The following MYO18B variants were observed in gnomAD, a reference collection of about 807,000 sequenced individuals.
MYO18B encodes myosin XVIIIB, also known as unconventional myosin-XVIIIb.
A neutral mutation model predicts 273.0 loss-of-function variants in MYO18B; 204 were observed. The ratio of observed to expected loss-of-function variants is 0.75; its 90% CI spans 0.67 to 0.84. MYO18B has a LOEUF of 0.84. Among genes scored for constraint, MYO18B ranks in the 40% least tolerant of loss-of-function variants. The probability of loss-of-function intolerance (pLI) is 0.00; values close to 1 mark genes in which losing one functional copy is unlikely to be tolerated. For synonymous variants in MYO18B, 1,330 were observed against 1,305.7 expected, an observed-to-expected ratio of 1.02 and a Z score of -0.40; for missense variants, 3,212 against 3,287.6, an observed-to-expected ratio of 0.98 and a Z score of 0.56.
chr22:25,986,369 C>A (rs917310780), intron 39 of MYO18B, among the ~76,000 whole-genome samples: 10 of 152,144 alleles, frequency 6.6e-5, no homozygotes, highest in African/African-American at 2.4e-4. Flanking sequence ...TACAGAAAAT[C>A]TTGAGGAGTG....
chr22:25,786,910 A>G (rs527844636), intron 11 of MYO18B, among the ~76,000 whole-genome samples: 169 of 152,348 alleles, frequency 1.1e-3, no homozygotes, highest in Non-Finnish European at 2.1e-3. Context: ...TATGCTCAAC[A>G]TCATTGGTCA....
At chr22:25,780,594 A>G (rs1434198232) in intron 9 of MYO18B, among the ~76,000 whole-genome samples, 2 of 1,590 alleles carry the variant, frequency 1.3e-3, no homozygotes, top group African/African-American at 2.6e-3. Context: ...CCATCTCAAA[A>G]AAAAAAAAAA....
intron 1 of MYO18B, among the ~76,000 whole-genome samples, chr22:25,744,434 A>G (rs904351553): frequency 6.6e-6 from 1 of 152,152 alleles, no homozygotes; most frequent in Non-Finnish European, 1.5e-5. Context: ...GCATATCTTT[A>G]ATATTTAAAC....
intron 25 of MYO18B, among the ~76,000 whole-genome samples, chr22:25,879,408 G>A (rs1378401496): frequency 2.0e-5 from 3 of 152,198 alleles, no homozygotes; most frequent in Non-Finnish European, 4.4e-5. Flanking sequence ...GTATATCCTT[G>A]TATACTTATG....
At chr22:25,772,559 G>T (rs922487945) in intron 7 of MYO18B, 49 bp downstream of exon 7, 5 of 1,550,852 alleles carry the variant, frequency 3.2e-6, no homozygotes, top group East Asian at 2.3e-5. Context: ...GGGCAGGGGG[G>T]CCTGGGGGGA....
chr22:25,763,369 G>A lies in MYO18B; in HGVS notation c.178G>A (p.Val60Ile). 1.2e-6 allele frequency: 2 copies of A among 1,611,488 alleles called. No individual in the cohort carries two copies. The highest frequency in any genetic ancestry group is 1.7e-6 in the Non-Finnish European group (2 of 1,179,352). Residue 60 changes from valine to isoleucine, a missense_variant, in exon 3 of 44, where the codon GTC (valine) becomes ATC (isoleucine). Physicochemically the swap from Val to Ile is conservative, Grantham distance 29. Coordinates refer to ENST00000335473, the MANE Select transcript of MYO18B (RefSeq NM_032608.7). ...AGCGAGACAGAGGAAGCAGTTAGCT[G>A]TCGCCTCTCCAGAACGAGAGGTAAG... The part of the protein sequence containing the change: ...KEARQRKQLA[V>I]ASPEREIPEI...
At position 25,996,984 on chromosome 22, in the gene MYO18B, C is replaced by T. The variant is rs183251107; in HGVS notation, c.6287+4491C>T. On this transcript the variant is annotated intron_variant, in intron 40 of 43. Coordinates refer to ENST00000335473, the MANE Select transcript of MYO18B (RefSeq NM_032608.7). ...AGTTTCTTAAAATGCCCCAGTGCCCCAGGCAGGATTGGCCACGTCATTTGT... is the reference window on the plus strand; with the variant it reads ...AGTTTCTTAAAATGCCCCAGTGCCCTAGGCAGGATTGGCCACGTCATTTGT... Among the ~76,000 whole-genome samples, 339 of 152,218 alleles carry T rather than the reference C, an allele frequency of 2.2e-3. 1 individual carries two copies. The highest frequency in any genetic ancestry group is 7.5e-3 in the African/African-American group (313 of 41,524).
intron 32 of MYO18B, 116 bp downstream of exon 32, chr22:25,908,548 T>A: frequency 1.2e-6 from 1 of 802,078 alleles, no homozygotes; most frequent in Non-Finnish European, 2.0e-6. Context: ...AAGCTCTTTC[T>A]GCAATCATCT....
downstream of MYO18B, among the ~76,000 whole-genome samples, chr22:26,033,743 T>C (rs1230546065): frequency 1.3e-5 from 2 of 150,642 alleles, no homozygotes; most frequent in Non-Finnish European, 3.0e-5. Context: ...TTTCTCTCTT[T>C]CTCTCTCTCC....
At position 25,828,979 on chromosome 22, in the gene MYO18B, G is replaced by T. The variant is rs1483938227; in HGVS notation, c.2979+11G>T. On this transcript the variant is annotated intron_variant, in intron 15 of 43. Transcript: ENST00000335473. Reference sequence around the variant, plus strand: ...CAGCGATATCAAGAGGTATGCCTGGGCTGGAGCAGGGCTTTCACCAGAGCT... The same window carrying T: ...CAGCGATATCAAGAGGTATGCCTGGTCTGGAGCAGGGCTTTCACCAGAGCT... 1.2e-6 allele frequency: 2 copies of T among 1,613,140 alleles called. No individual in the cohort carries two copies. Among genetic ancestry groups the T allele is most frequent in the African/African-American group, 2.7e-5 (2 of 74,920 alleles).
intron 15 of MYO18B, among the ~76,000 whole-genome samples, chr22:25,831,737 C>T (rs2089715012): frequency 6.6e-6 from 1 of 152,178 alleles, no homozygotes; most frequent in Non-Finnish European, 1.5e-5. Flanking sequence ...TTTGTTACTT[C>T]CAGCACCGAA....
chr22:25,955,838 G>C (rs1414640028), intron 39 of MYO18B, among the ~76,000 whole-genome samples: 1 of 152,184 alleles, frequency 6.6e-6, no homozygotes, highest in Non-Finnish European at 1.5e-5. Flanking sequence ...AAGGGGAGAT[G>C]ACTAGTCTAA....
rs111953126 is a variant in MYO18B at position 25,822,824 on chromosome 22, C to A, written c.2522-681C>A. On this transcript the variant is annotated intron_variant, in intron 12 of 43. Coordinates refer to ENST00000335473, the MANE Select transcript of MYO18B (RefSeq NM_032608.7). ...AAATCGAGCAAGCTGGGAAACGTGACTGGGGGGACTACATGCATCAGCTAA... is the reference window on the plus strand; with the variant it reads ...AAATCGAGCAAGCTGGGAAACGTGAATGGGGGGACTACATGCATCAGCTAA... Among the ~76,000 whole-genome samples, 27 of 152,320 alleles carry A rather than the reference C, an allele frequency of 1.8e-4. No individual in the cohort carries two copies. In the South Asian group the frequency reaches 2.5e-3, roughly 14 times the overall value.
intron 34 of MYO18B, among the ~76,000 whole-genome samples, chr22:25,937,585 C>CT (rs68167882): frequency 1.4e-3 from 196 of 140,636 alleles, no homozygotes; most frequent in Middle Eastern, 3.8e-3. Context: ...GCCTGACATT[C>CT]TTTTTTTTTT....
At chr22:25,828,246 C>T (rs1381434931) in intron 14 of MYO18B, among the ~76,000 whole-genome samples, 1 of 152,080 alleles carries the variant, frequency 6.6e-6, no homozygotes, top group East Asian at 1.9e-4. Context: ...GACACACATC[C>T]CCTCTGTCAC....
rs74501289 is a variant in MYO18B, at chr22:25,777,364, C to T, written c.1870-219C>T. 8.0e-3 allele frequency among the ~76,000 whole-genome samples: 1,223 copies of T among 152,324 alleles called. 20 individuals carry two copies. Among genetic ancestry groups the T allele is most frequent in the African/African-American group, 0.028 (1,170 of 41,566 alleles). On this transcript the variant is annotated intron_variant, in intron 7 of 43. Coordinates refer to ENST00000335473, the MANE Select transcript of MYO18B (RefSeq NM_032608.7). ...AAAGAGGAGAACTAGGTTCAGAAAA[C>T]AGGCATGGGTTGTCCAAGGACTCAC...
At chr22:26,034,781 G>C (rs1049390504), downstream of MYO18B, among the ~76,000 whole-genome samples, 7 of 152,186 alleles carry the variant, frequency 4.6e-5, no homozygotes, top group Non-Finnish European at 1.0e-4. Flanking sequence ...AAAGCCTCAA[G>C]GTAATTTTAC....
intron 1 of MYO18B, among the ~76,000 whole-genome samples, chr22:25,748,587 A>T (rs1219277643): frequency 6.6e-6 from 1 of 152,202 alleles, no homozygotes; most frequent in African/African-American, 2.4e-5. Flanking sequence ...TAAAGGCCCC[A>T]GGTTCTGATG....
intron 21 of MYO18B, among the ~76,000 whole-genome samples, chr22:25,863,524 T>C (rs2090800827): frequency 7.2e-6 from 1 of 138,312 alleles, no homozygotes; most frequent in Non-Finnish European, 1.6e-5. Flanking sequence ...CCTCATGGTG[T>C]GGGACCACTG....
Sources: allele counts gnomAD v4.1 joint callset (sites outside exome capture counted in the v4.1 genomes callset), GRCh38; gene constraint gnomAD v4.1.1; transcripts MANE v1.5; gene names NCBI Gene and HGNC (gene_info 2026-07-23, HGNC 2026-07-21).